Variants in NELL2 observed in about 807,000 individuals in gnomAD.
NELL2 encodes the protein protein kinase C-binding protein NELL2.
In NELL2, 41 loss-of-function variants were observed where a neutral mutation model predicts 109.6. The ratio of observed to expected loss-of-function variants is 0.37; its 90% CI spans 0.29 to 0.49. The LOEUF is 0.49. Among genes scored for constraint, NELL2 ranks in the 20% least tolerant of loss-of-function variants. The pLI is 0.98. For missense variants in NELL2, 900 were observed against 1,008.3 expected (o/e 0.89, Z 1.45); for synonymous variants, 355 against 344.7 (o/e 1.03, Z -0.33).
At chr12:44,816,662 T>C (rs952539701) in intron 2 of NELL2, among the ~76,000 whole-genome samples, 6 of 152,200 alleles carry the variant, frequency 3.9e-5, no homozygotes, top group African/African-American at 1.4e-4. Context: ...TTTAAATTAG[T>C]CACTCTCAGC....
chr12:44,899,525 C>T (rs368783489), intron 1 of NELL2, among the ~76,000 whole-genome samples: 37 of 152,094 alleles, frequency 2.4e-4, no homozygotes, highest in South Asian at 1.7e-3. Context: ...GCTTCAAAAG[C>T]GAAGGAGGAA....
chr12:44,818,757 A>T, intron 2 of NELL2, among the ~76,000 whole-genome samples: 1 of 81,458 alleles, frequency 1.2e-5, no homozygotes, highest in Admixed American at 1.9e-4. Context: ...TTTTTTTGAG[A>T]CGGAGTCTCG....
At position 44,610,888 on chromosome 12, in the gene NELL2, A is replaced by C; in HGVS notation, c.1527T>G (p.Val509=). ...CATTCCCTGTATAGCCCGGCTTGCA[A>C]ACACAGTTGTGTCCTCCAACAGTGT... ...CFNTVGGHNC[V]CKPGYTGNGT... Residue 509 remains valine, a synonymous_variant, in exon 14 of 20, where the codon GTT becomes GTG. Transcript: ENST00000429094. 1.2e-6 allele frequency: 2 copies of C among 1,613,226 alleles called. No homozygotes were observed. Among genetic ancestry groups the C allele is most frequent in the South Asian group, 2.2e-5 (2 of 91,054 alleles).
At chr12:44,587,965 C>T (rs1339144416) in intron 15 of NELL2, among the ~76,000 whole-genome samples, 1 of 152,064 alleles carries the variant, frequency 6.6e-6, no homozygotes, top group Admixed American at 6.6e-5. Flanking sequence ...TCCTGGCTAA[C>T]ATGGTGAAAC....
Position 44,876,107 on chromosome 12 carries a change from G to A in NELL2, c.-238C>T, listed in dbSNP as rs1485345618. 3.8e-5 allele frequency: 51 copies of A among 1,328,178 alleles called. 3 individuals are homozygous for A. The South Asian group carries it at 8.9e-4, about 23-fold the overall frequency. 82.3% of individuals were successfully genotyped at this position (1,328,178 alleles called of 1,614,324 possible). On this transcript the variant is annotated 5_prime_UTR_variant, in exon 1 of 20. Coordinates refer to ENST00000429094, the MANE Select transcript of NELL2 (RefSeq NM_001145108.2). ...CATTCCCACACGCAGGGCCGAGGCG[G>A]CAGCGCGGCCCGGAGGGGGCCCGGA...
chr12:44,634,912 G>A (rs1327891724), intron 13 of NELL2, among the ~76,000 whole-genome samples: 1 of 152,010 alleles, frequency 6.6e-6, no homozygotes, highest in African/African-American at 2.4e-5. Flanking sequence ...TGAGAATGAT[G>A]GTTTCCAGCT....
chr12:44,793,382 G>A (rs1029180220), intron 3 of NELL2, among the ~76,000 whole-genome samples: 7 of 152,116 alleles, frequency 4.6e-5, no homozygotes, highest in Non-Finnish European at 8.8e-5. Context: ...ATAATAAAGT[G>A]TATTTGCATT....
At chr12:44,527,962 C>G (rs185501677) in intron 16 of NELL2, among the ~76,000 whole-genome samples, 9 of 151,334 alleles carry the variant, frequency 5.9e-5, no homozygotes, top group Non-Finnish European at 1.2e-4. Context: ...GGCGTGGTGG[C>G]GGGCGCCTGT....
chr12:44,831,193 C>T (rs113077930), intron 2 of NELL2, among the ~76,000 whole-genome samples: 28 of 152,180 alleles, frequency 1.8e-4, no homozygotes, highest in African/African-American at 6.0e-4. Flanking sequence ...CTAAACTAAT[C>T]TCTGTACTTT....
At chr12:44,594,865 T>C (rs1204918931) in intron 15 of NELL2, among the ~76,000 whole-genome samples, 1 of 151,980 alleles carries the variant, frequency 6.6e-6, no homozygotes, top group African/African-American at 2.4e-5. Flanking sequence ...AAGTTACCAG[T>C]GTAAAAGAGA....
At chr12:44,611,634 C>T (rs77854787) in intron 13 of NELL2, among the ~76,000 whole-genome samples, 509 of 152,186 alleles carry the variant, frequency 3.3e-3, no homozygotes, top group Non-Finnish European at 5.8e-3. Flanking sequence ...TAACTTGAAA[C>T]TCTGGAAAGC....
chr12:44,743,077 A>G (rs1940095832), intron 9 of NELL2, among the ~76,000 whole-genome samples: 2 of 152,352 alleles, frequency 1.3e-5, no homozygotes, highest in South Asian at 2.1e-4. Context: ...CTCAAAGGGA[A>G]GCACATCAGA....
intron 16 of NELL2, among the ~76,000 whole-genome samples, chr12:44,529,653 G>A (rs1941954390): frequency 6.6e-6 from 1 of 152,196 alleles, no homozygotes; most frequent in Non-Finnish European, 1.5e-5. Context: ...GCCAAGTGAG[G>A]AAAATTATGT....
intron 12 of NELL2, among the ~76,000 whole-genome samples, chr12:44,676,432 A>T (rs918687962): frequency 6.6e-6 from 1 of 152,168 alleles, no homozygotes; most frequent in Non-Finnish European, 1.5e-5. Flanking sequence ...ACTGCCAGCT[A>T]TCATATGCTT....
At chr12:44,541,741 T>G (rs1240931000) in intron 15 of NELL2, among the ~76,000 whole-genome samples, 1 of 152,188 alleles carries the variant, frequency 6.6e-6, no homozygotes. Flanking sequence ...TAAAGATATG[T>G]TAGCCAATTC....
At chr12:44,685,103 T>G (rs1284968445) in intron 12 of NELL2, among the ~76,000 whole-genome samples, 1 of 152,228 alleles carries the variant, frequency 6.6e-6, no homozygotes, top group Non-Finnish European at 1.5e-5. Flanking sequence ...TGGGTGCTCC[T>G]GTATTGGATG....
chr12:44,743,948 A>G (rs1940166896), intron 9 of NELL2, among the ~76,000 whole-genome samples: 2 of 152,152 alleles, frequency 1.3e-5, no homozygotes, highest in South Asian at 4.1e-4. Context: ...CACCAAGCGG[A>G]CCTAATAGAC....
At chr12:44,714,534 A>G (rs1279804284) in intron 10 of NELL2, 116 bp downstream of exon 10, 7 of 600,126 alleles carry the variant, frequency 1.2e-5, no homozygotes, top group Admixed American at 7.6e-5. Flanking sequence ...AATATTGTGA[A>G]TTTTCTCTTT....
chr12:44,524,683 A>G (rs1256413930), intron 16 of NELL2, among the ~76,000 whole-genome samples: 1 of 151,880 alleles, frequency 6.6e-6, no homozygotes, highest in Non-Finnish European at 1.5e-5. Context: ...TTTTTTTTCT[A>G]TTTGCCTTGA....
Sources: allele counts gnomAD v4.1 joint callset (sites outside exome capture counted in the v4.1 genomes callset), GRCh38; gene constraint gnomAD v4.1.1; transcripts MANE v1.5; gene names NCBI Gene and HGNC (gene_info 2026-07-23, HGNC 2026-07-21).